The following LRCH3 variants were observed in gnomAD, a reference collection of about 807,000 sequenced individuals.
LRCH3 encodes the protein DISP complex protein LRCH3.
In LRCH3, 68 loss-of-function variants were observed where a neutral mutation model predicts 104.5. The observed-to-expected ratio is 0.65, with a 90% confidence interval of 0.54 to 0.80. The LOEUF is 0.80. LRCH3 is among the 30% of genes least tolerant of loss of function. LRCH3 has a pLI of 0.00. For synonymous variants in LRCH3, 344 were observed against 361.3 expected (o/e 0.95, Z 0.54); for missense variants, 951 against 953.9 (o/e 1.00, Z 0.04).
intron 20 of LRCH3, among the ~76,000 whole-genome samples, chr3:197,880,086 C>G (rs1370726627): frequency 6.6e-6 from 1 of 151,244 alleles, no homozygotes; most frequent in African/African-American, 2.4e-5. Flanking sequence ...GCTGGGACTA[C>G]AGGCGCCCGC....
Position 197,832,279 on chromosome 3 carries a change from A to G in LRCH3, c.1064A>G (p.Gln355Arg), listed in dbSNP as rs746029381. The G allele has an allele frequency of 8.1e-6, 13 of 1,613,982 alleles. 1 individual carries two copies. The South Asian group carries it at 1.4e-4, about 18-fold the overall frequency. The change falls in exon 8 of 21, where the codon CAA (glutamine) becomes CGA (arginine). Residue 355 changes from glutamine (Q) to arginine (R), a missense_variant. Gln to Arg is a conservative substitution (Grantham distance 43, BLOSUM62 1). Coordinates refer to ENST00000425562, the MANE Select transcript of LRCH3 (RefSeq NM_001365715.1). ...AGACTACGAAGAGAAAGCCAGTACC[A>G]AGAGAACCGCGGCAGTTTGGTAGTA... ...EQRLRRESQY[Q>R]ENRGSLVVTN...
intron 10 of LRCH3, among the ~76,000 whole-genome samples, chr3:197,845,419 A>AAG (rs1553922337): frequency 3.3e-5 from 5 of 151,708 alleles, no homozygotes; most frequent in South Asian, 4.2e-4. Flanking sequence ...AAAAAAAAAA[A>AAG]AAAGAAAGAA....
Position 197,810,758 on chromosome 3 carries a change from T to C in LRCH3, c.263-4150T>C, listed in dbSNP as rs909397653. On this transcript the variant is annotated intron_variant, in intron 1 of 20. Coordinates refer to ENST00000425562, the MANE Select transcript of LRCH3 (RefSeq NM_001365715.1). The surrounding 1 kb of genome is among the most constrained non-coding windows in gnomAD (Gnocchi z 4.0). Reference sequence around the variant, plus strand: ...AAAAACAGAAAAAGGAAAAAGTACATTTGTTTCATCTTCCCAGAAGCGGAA... The same window carrying C: ...AAAAACAGAAAAAGGAAAAAGTACACTTGTTTCATCTTCCCAGAAGCGGAA... Among the ~76,000 whole-genome samples the C allele has an allele frequency of 1.3e-5, 2 of 152,124 alleles. No individual in the cohort carries two copies. Among genetic ancestry groups the C allele is most frequent in the Non-Finnish European group, 2.9e-5 (2 of 68,036 alleles).
At position 197,791,254 on chromosome 3, in the gene LRCH3, G is replaced by T. The variant is rs1281942563; in HGVS notation, c.-25G>T. Reference sequence around the variant, plus strand: ...CCGGCCGCGCATGCGCTGAGCTGGCGGGCCCGAGTGTTGTCGGCTGGGAAA... The same window carrying T: ...CCGGCCGCGCATGCGCTGAGCTGGCTGGCCCGAGTGTTGTCGGCTGGGAAA... On this transcript the variant is annotated 5_prime_UTR_variant, in exon 1 of 21. Coordinates refer to ENST00000425562, the MANE Select transcript of LRCH3 (RefSeq NM_001365715.1). The T allele has an allele frequency of 6.2e-7, 1 of 1,605,002 alleles. No homozygotes were observed. Among genetic ancestry groups the T allele is most frequent in the Non-Finnish European group, 8.5e-7 (1 of 1,177,448 alleles).
At chr3:197,830,255 C>T (rs1035211402) in intron 6 of LRCH3, among the ~76,000 whole-genome samples, 15 of 152,290 alleles carry the variant, frequency 9.8e-5, no homozygotes, top group African/African-American at 3.1e-4. Flanking sequence ...CTGGAACAAT[C>T]TCTTTTTTTT....
In LRCH3 at chr3:197,885,731, A is replaced by T. The variant is rs1714149301; in HGVS notation, c.*2065A>T. ...AGGAGCCTTTACTCAAGTTTCAGCT[A>T]GTTTTCCTTCCCCTGCATTTTGAAC... On this transcript the variant is annotated 3_prime_UTR_variant, in exon 21 of 21. Coordinates refer to ENST00000425562, the MANE Select transcript of LRCH3 (RefSeq NM_001365715.1). 1 of 152,264 alleles carries T rather than the reference A, an allele frequency of 6.6e-6. No individual in the cohort carries two copies. Among genetic ancestry groups the T allele is most frequent in the Admixed American group, 6.5e-5 (1 of 15,286 alleles). The allele number at this position is 152,264 out of a possible 1,614,324, so 9.4% of individuals were successfully genotyped here.
At chr3:197,792,631 AT>A (rs1464123902) in intron 1 of LRCH3, among the ~76,000 whole-genome samples, 1 of 106,950 alleles carries the variant, frequency 9.4e-6, no homozygotes, top group East Asian at 3.0e-4. Context: ...TATAATATAC[AT>A]ATAAATATTA....
chr3:197,864,960 T>C (rs561153354), intron 15 of LRCH3, among the ~76,000 whole-genome samples: 1 of 152,014 alleles, frequency 6.6e-6, no homozygotes, highest in South Asian at 2.1e-4. Flanking sequence ...GATCATGGCA[T>C]TGCAATCTAG....
At position 197,832,423 on chromosome 3, in the gene LRCH3, C is replaced by T. The variant is rs902930508; in HGVS notation, c.1102+106C>T. 3 of 1,114,080 alleles carry T rather than the reference C, an allele frequency of 2.7e-6. No individual in the cohort carries two copies. In the African/African-American group the frequency reaches 4.7e-5, roughly 18 times the overall value. 69.0% of individuals were successfully genotyped at this position (1,114,080 alleles called of 1,614,324 possible). A position where few individuals can be genotyped will look rare whatever the true frequency, so the allele number is the denominator to read the frequency against. On this transcript the variant is annotated intron_variant, in intron 8 of 20. Coordinates refer to ENST00000425562, the MANE Select transcript of LRCH3 (RefSeq NM_001365715.1). Reference sequence around the variant, plus strand: ...TGTTGGTGTATCTATAGCTTCTTCACTCTTCTTTTAAAGACTTCTTTTCAT... The same window carrying T: ...TGTTGGTGTATCTATAGCTTCTTCATTCTTCTTTTAAAGACTTCTTTTCAT...
At chr3:197,791,581 G>T (rs1354339830) in intron 1 of LRCH3, 41 bp downstream of exon 1, 1 of 1,491,580 alleles carries the variant, frequency 6.7e-7, no homozygotes, top group Non-Finnish European at 8.8e-7. Context: ...CGGAGACCCG[G>T]CGCCGGGAGC....
At chr3:197,824,165 A>G (rs1411118896) in intron 4 of LRCH3, among the ~76,000 whole-genome samples, 1 of 151,736 alleles carries the variant, frequency 6.6e-6, no homozygotes, top group African/African-American at 2.4e-5. Flanking sequence ...CTCGGGTTCA[A>G]GCAATTCTCC....
chr3:197,853,482 C>T (rs1204339300), intron 13 of LRCH3, among the ~76,000 whole-genome samples: 3 of 152,192 alleles, frequency 2.0e-5, no homozygotes, highest in Non-Finnish European at 2.9e-5. Context: ...AATTCCACTG[C>T]GCCTGACCCA....
At chr3:197,797,680 G>A (rs1420257924) in intron 1 of LRCH3, among the ~76,000 whole-genome samples, 1 of 151,890 alleles carries the variant, frequency 6.6e-6, no homozygotes, top group Non-Finnish European at 1.5e-5. Flanking sequence ...GCCCAACACG[G>A]TGAAACCCCG....
At position 197,818,986 on chromosome 3, in the gene LRCH3, C is replaced by T. The variant is rs374331430; in HGVS notation, c.535-1339C>T. Reference sequence around the variant, plus strand: ...GCTAAAAATACAAAAATTAGCCAGGCGTGGTGGCACGCACCTGTTATCCCA... The same window carrying T: ...GCTAAAAATACAAAAATTAGCCAGGTGTGGTGGCACGCACCTGTTATCCCA... On this transcript the variant is annotated intron_variant, in intron 3 of 20. Transcript: ENST00000425562. Among the ~76,000 whole-genome samples the T allele has an allele frequency of 1.6e-4, 24 of 151,948 alleles. No individual in the cohort carries two copies. In the East Asian group the frequency reaches 4.3e-3, roughly 27 times the overall value.
chr3:197,888,037 TA>T lies in LRCH3; in HGVS notation c.*4375del, dbSNP rs1455700788. 1 of 152,268 alleles carries T rather than the reference TA, an allele frequency of 6.6e-6. No homozygotes were observed. The highest frequency in any genetic ancestry group is 1.5e-5 in the Non-Finnish European group (1 of 68,052). 9.4% of individuals were successfully genotyped at this position (152,268 alleles called of 1,614,324 possible). ...TAGATCACTTTTCTGAAGAGCTTTT[TA>T]AAATACAGCTAATCAAGGAGTTTGC... On this transcript the variant is annotated 3_prime_UTR_variant, in exon 21 of 21. Transcript: ENST00000425562.
Position 197,814,952 on chromosome 3 carries a change from C to A in LRCH3, c.307C>A (p.His103Asn). 6.2e-7 allele frequency: 1 copy of A among 1,600,498 alleles called. No individual in the cohort carries two copies. The highest frequency in any genetic ancestry group is 8.5e-7 in the Non-Finnish European group (1 of 1,175,094). Residue 103 changes from histidine to asparagine, a missense_variant, in exon 2 of 21, where the codon CAC (histidine) becomes AAC (asparagine). Physicochemically the swap from His to Asn is moderately conservative, Grantham distance 68. Coordinates refer to ENST00000425562, the MANE Select transcript of LRCH3 (RefSeq NM_001365715.1). The part of the protein sequence containing the change: ...RLSEIPIEAC[H>N]FVSLENLNLY... ...TTCAGAAATTCCTATAGAAGCATGT[C>A]ACTTTGTTTCTCTGGAAAATCTCAA...
At chr3:197,826,323 G>A (rs1735201139) in intron 4 of LRCH3, among the ~76,000 whole-genome samples, 1 of 152,138 alleles carries the variant, frequency 6.6e-6, no homozygotes. Flanking sequence ...AGGATAGGGT[G>A]GGGTGAGAAG....
chr3:197,820,287 T>C (rs1327841739), intron 3 of LRCH3, 38 bp from the exon 4 acceptor site: 3 of 1,420,428 alleles, frequency 2.1e-6, no homozygotes, highest in African/African-American at 2.8e-5. Context: ...AAGTTTGTAA[T>C]GTTAGGACAA....
At position 197,852,602 on chromosome 3, in the gene LRCH3, A is replaced by G. The variant is rs1330095489; in HGVS notation, c.1572A>G (p.Leu524=). 2 of 1,614,128 alleles carry G rather than the reference A, an allele frequency of 1.2e-6. No homozygotes were observed. The highest frequency in any genetic ancestry group is 1.7e-6 in the Non-Finnish European group (2 of 1,179,978). ...SQSPQKQHPL[L]DGVDGECPFP... ...GTCCACAAAAACAGCACCCGCTCCT[A>G]GATGGCGTAGATGGTGAGGTAAGTT... The change falls in exon 13 of 21, where the codon CTA becomes CTG. Residue 524 remains leucine (L), a synonymous_variant. Transcript: ENST00000425562.
Sources: gnomAD v4.1 joint callset for allele counts (sites outside exome capture counted in the v4.1 genomes callset) on GRCh38, gnomAD v4.1.1 for gene constraint, Gnocchi (gnomAD v3.1) non-coding constraint, MANE v1.5 for transcripts, NCBI Gene and HGNC (gene_info 2026-07-23, HGNC 2026-07-21) for gene names.